ZDHHC1: variants seen among roughly 807,000 people sequenced by gnomAD.
ZDHHC1 encodes palmitoyltransferase ZDHHC1.
ZDHHC1 carries 45 observed loss-of-function variants against 46.9 expected under a neutral mutation model. That is an observed-to-expected ratio of 0.96 (90% CI 0.76 to 1.23). The LOEUF (loss-of-function observed/expected upper bound fraction) is 1.23. ZDHHC1 is among the 50% of genes most tolerant of loss of function. The probability of loss-of-function intolerance (pLI) is 0.00; values close to 1 mark genes in which losing one functional copy is unlikely to be tolerated. For missense variants in ZDHHC1, 649 were observed against 670.8 expected (o/e 0.97, Z 0.36); for synonymous variants, 291 against 286.0 (o/e 1.02, Z -0.18).
chr16:67,415,909 C>T (rs2040827022), intron 1 of ZDHHC1, among the ~76,000 whole-genome samples: 1 of 152,222 alleles, frequency 6.6e-6, no homozygotes, highest in South Asian at 2.1e-4. Context: ...TTCCTTAATG[C>T]TCTGGGTTCT....
At chr16:67,402,130 A>G (rs867973437) in intron 3 of ZDHHC1, among the ~76,000 whole-genome samples, 7 of 152,354 alleles carry the variant, frequency 4.6e-5, no homozygotes, top group Admixed American at 3.3e-4. Flanking sequence ...AAGCATAGCT[A>G]AGAGAGACAA....
intron 2 of ZDHHC1, among the ~76,000 whole-genome samples, chr16:67,407,483 T>A (rs1230858237): frequency 1.3e-5 from 2 of 152,214 alleles, no homozygotes; most frequent in Non-Finnish European, 2.9e-5. Flanking sequence ...ACTCAGTGCA[T>A]CTTCCTGGAT....
chr16:67,395,528 G>T lies in ZDHHC1; in HGVS notation c.966C>A (p.Arg322=). The T allele has an allele frequency of 6.4e-7, 1 of 1,555,374 alleles. No homozygotes were observed. The highest frequency in any genetic ancestry group is 8.7e-7 in the Non-Finnish European group (1 of 1,148,828). ...EFYMRTFRHM[R]PEPPGQAGPA... ...GCCCGGCCTGGCCAGGGGGCTCTGGGCGCATATGTCTGAAGGTCCGCATGT... is the reference window on the plus strand; with the variant it reads ...GCCCGGCCTGGCCAGGGGGCTCTGGTCGCATATGTCTGAAGGTCCGCATGT... The change falls in exon 9 of 12, where the codon CGC becomes CGA. Residue 322 remains arginine (R), a synonymous_variant. Coordinates refer to ENST00000565726, the MANE Select transcript of ZDHHC1 (RefSeq NM_001323627.2).
In ZDHHC1 at chr16:67,398,278, T is replaced by G; in HGVS notation, c.861A>C (p.Pro287=). 6.2e-7 allele frequency: 1 copy of G among 1,613,872 alleles called. No homozygotes were observed. The highest frequency in any genetic ancestry group is 8.5e-7 in the Non-Finnish European group (1 of 1,179,946). ...TTYEYIVQHR[P]PQEAKGVHRE... is the part of the protein sequence containing the mutation. ...TGTGAACCCCCTTGGCCTCCTGTGGTGGGCGGTGCTGCACGATGTACTCAT... is the reference window on the plus strand; with the variant it reads ...TGTGAACCCCCTTGGCCTCCTGTGGGGGGCGGTGCTGCACGATGTACTCAT... The change falls in exon 8 of 12, where the codon CCA becomes CCC. Residue 287 remains proline (P), a synonymous_variant. Coordinates refer to ENST00000565726, the MANE Select transcript of ZDHHC1 (RefSeq NM_001323627.2).
intron 8 of ZDHHC1, 37 bp downstream of exon 8, chr16:67,398,175 C>A (rs368171724): frequency 3.8e-6 from 6 of 1,598,308 alleles, no homozygotes; most frequent in South Asian, 2.2e-5. Context: ...CAACACCCCC[C>A]ACACCCAGGC....
At chr16:67,396,646 T>C (rs2040439744) in intron 8 of ZDHHC1, among the ~76,000 whole-genome samples, 1 of 152,124 alleles carries the variant, frequency 6.6e-6, no homozygotes, top group Non-Finnish European at 1.5e-5. Context: ...ACCTCTGCCC[T>C]GGCTGCTGCT....
intron 3 of ZDHHC1, among the ~76,000 whole-genome samples, chr16:67,403,778 C>T (rs371989333): frequency 6.6e-6 from 1 of 152,186 alleles, no homozygotes; most frequent in African/African-American, 2.4e-5. Flanking sequence ...CCATGCCCAG[C>T]TAATTTTTGT....
chr16:67,394,746 C>T lies in ZDHHC1; in HGVS notation c.1313G>A (p.Ser438Asn). The change falls in exon 12 of 12, where the codon AGC becomes AAC. Residue 438 changes from serine to asparagine, a missense_variant. Transcript: ENST00000565726. ...EIPVAQTRLG[S>N]AALAAPRGRG... ...GCCCCGCGGGGCGGCCAGAGCGGCG[C>T]TGCCCAGGCGCGTCTGCGCCACTGG... 1 of 1,489,114 alleles carries T rather than the reference C, an allele frequency of 6.7e-7. No homozygotes were observed. The highest frequency in any genetic ancestry group is 1.3e-5 in the South Asian group (1 of 79,018). 92.2% of individuals were successfully genotyped at this position (1,489,114 alleles called of 1,614,324 possible). A position where few individuals can be genotyped will look rare whatever the true frequency, so the allele number is the denominator to read the frequency against.
chr16:67,397,901 C>T (rs9938631), intron 8 of ZDHHC1, among the ~76,000 whole-genome samples: 17,010 of 152,192 alleles, frequency 0.11, 2,247 homozygotes, highest in African/African-American at 0.32. Flanking sequence ...TCACTGACCC[C>T]GTCGCTGGTC....
intron 3 of ZDHHC1, among the ~76,000 whole-genome samples, chr16:67,403,385 T>G (rs1381803272): frequency 6.6e-6 from 1 of 152,154 alleles, no homozygotes; most frequent in East Asian, 1.9e-4. Context: ...ATCCTTCAAT[T>G]CAAAAAAACA....
chr16:67,399,334 G>T, intron 5 of ZDHHC1, 21 bp downstream of exon 5: 1 of 1,598,038 alleles, frequency 6.3e-7, no homozygotes, highest in Non-Finnish European at 8.6e-7. Context: ...CCAGGCCCGC[G>T]TGCGGCCGGG....
chr16:67,406,693 C>A lies in ZDHHC1; in HGVS notation c.10-251G>T, dbSNP rs1291366416. Among the ~76,000 whole-genome samples the A allele has an allele frequency of 6.6e-6, 1 of 152,214 alleles. No individual in the cohort carries two copies. Among genetic ancestry groups the A allele is most frequent in the Admixed American group, 6.5e-5 (1 of 15,278 alleles). ...AAGGTAGGAGGGCCCAGGATTTATT[C>A]AGGACACAGTGCTGCTGCCTGTAAC... On this transcript the variant is annotated intron_variant, in intron 2 of 11. Coordinates refer to ENST00000565726, the MANE Select transcript of ZDHHC1 (RefSeq NM_001323627.2). This position sits in a 1 kb window ranked among gnomAD's most constrained non-coding sequence, Gnocchi z 4.1.
intron 8 of ZDHHC1, chr16:67,395,894 T>TC (rs1304161132): frequency 9.2e-6 from 3 of 325,852 alleles, no homozygotes; most frequent in Admixed American, 4.5e-5. Flanking sequence ...CCGCACCTGC[T>TC]CCTGGTGTCC....
At position 67,394,455 on chromosome 16, in the gene ZDHHC1, A is replaced by AG; in HGVS notation, c.*154dup. Reference sequence around the variant, plus strand: ...ATAAAAAAGTTTATTGGAGCATCACAGCCGGTGGGGCGGGTATTGCTGAGT... The same window carrying AG: ...ATAAAAAAGTTTATTGGAGCATCACAGGCCGGTGGGGCGGGTATTGCTGAGT... On this transcript the variant is annotated 3_prime_UTR_variant, in exon 12 of 12. Transcript: ENST00000565726. 1.8e-6 allele frequency: 1 copy of AG among 554,012 alleles called. No individual in the cohort carries two copies. The highest frequency in any genetic ancestry group is 2.5e-6 in the Non-Finnish European group (1 of 407,146). The allele number at this position is 554,012 out of a possible 1,614,324, so 34.3% of individuals were successfully genotyped here.
intron 7 of ZDHHC1, 107 bp from the exon 8 acceptor site, chr16:67,398,431 C>A: frequency 6.6e-7 from 1 of 1,511,166 alleles, no homozygotes; most frequent in Non-Finnish European, 8.9e-7. Context: ...CCCAAATACA[C>A]GAAGCCATCA....
chr16:67,414,746 C>T (rs2040805129), intron 1 of ZDHHC1, among the ~76,000 whole-genome samples: 1 of 152,228 alleles, frequency 6.6e-6, no homozygotes, highest in African/African-American at 2.4e-5. Context: ...CTCAGAGACA[C>T]TAAATGAGTT....
In ZDHHC1 at chr16:67,398,587, A is replaced by G. The variant is rs746054514; in HGVS notation, c.800T>C (p.Phe267Ser). The stretch of plus-strand genomic sequence containing the variant: ...GAGGCACTTACTGAGATAAATGTGG[A>G]AGCAGAGCAGGTGCCCCAGGAGGGC... ...STALLGHLLCFHIYLMWHKLT... is the reference protein window; with the variant it reads ...STALLGHLLCSHIYLMWHKLT... Residue 267 changes from phenylalanine to serine, a missense_variant, in exon 7 of 12, where the codon TTC (phenylalanine) becomes TCC (serine). Physicochemically the swap from Phe to Ser is radical, Grantham distance 155 (BLOSUM62 -2). Coordinates refer to ENST00000565726, the MANE Select transcript of ZDHHC1 (RefSeq NM_001323627.2). The G allele has an allele frequency of 1.2e-6, 2 of 1,602,464 alleles. No individual in the cohort carries two copies. The highest frequency in any genetic ancestry group is 1.7e-6 in the Non-Finnish European group (2 of 1,176,152).
chr16:67,414,822 G>A (rs931011250), intron 1 of ZDHHC1, among the ~76,000 whole-genome samples: 1 of 152,256 alleles, frequency 6.6e-6, no homozygotes, highest in Non-Finnish European at 1.5e-5. Context: ...CGGTATGTCT[G>A]TCACAACCAT....
intron 1 of ZDHHC1, among the ~76,000 whole-genome samples, chr16:67,408,788 A>G (rs1161636624): frequency 6.6e-6 from 1 of 152,048 alleles, no homozygotes; most frequent in Non-Finnish European, 1.5e-5. Context: ...CCCAGCCCTC[A>G]CTTTCTTTTG....
Sources: gnomAD v4.1 joint callset for allele counts (sites outside exome capture counted in the v4.1 genomes callset) on GRCh38, gnomAD v4.1.1 for gene constraint, Gnocchi (gnomAD v3.1) non-coding constraint, MANE v1.5 for transcripts, NCBI Gene and HGNC (gene_info 2026-07-23, HGNC 2026-07-21) for gene names.